MYO7A: variants seen among roughly 807,000 people sequenced by gnomAD.
The protein encoded by MYO7A is myosin VIIA.
Under a neutral mutation model 263.8 loss-of-function variants are expected in MYO7A, and 210 were observed. The ratio of observed to expected loss-of-function variants is 0.80; its 90% CI spans 0.71 to 0.89. The LOEUF (loss-of-function observed/expected upper bound fraction) is 0.89, where lower values mean the gene tolerates loss of function less well. MYO7A is among the 40% of genes least tolerant of loss of function. MYO7A has a pLI of 0.00. For synonymous variants in MYO7A, 1,239 were observed against 1,197.3 expected (o/e 1.03, Z -0.72); for missense variants, 2,820 against 2,968.3 (o/e 0.95, Z 1.16).
intron 2 of MYO7A, among the ~76,000 whole-genome samples, chr11:77,139,643 C>T (rs142122080): frequency 2.0e-5 from 3 of 152,256 alleles, no homozygotes; most frequent in Non-Finnish European, 4.4e-5. Context: ...TCACCTCCCT[C>T]CTGCCTCTCA....
At chr11:77,196,260 G>A (rs7942355) in intron 32 of MYO7A, among the ~76,000 whole-genome samples, 88,222 of 151,818 alleles carry the variant, frequency 0.58, 26,117 homozygotes, top group African/African-American at 0.68. Flanking sequence ...CTAGCTACTC[G>A]GAGACTGAGG....
At chr11:77,174,396 G>A (rs993936886) in intron 16 of MYO7A, among the ~76,000 whole-genome samples, 4 of 152,124 alleles carry the variant, frequency 2.6e-5, no homozygotes, top group South Asian at 2.1e-4. Flanking sequence ...AAAGTCCTGC[G>A]CTTTCAGGCT....
Position 77,203,061 on chromosome 11 carries a change from C to T in MYO7A, c.5170C>T (p.Pro1724Ser), listed in dbSNP as rs762086113. 1.3e-6 allele frequency: 2 copies of T among 1,547,480 alleles called. No individual in the cohort carries two copies. Among genetic ancestry groups the T allele is most frequent in the South Asian group, 2.4e-5 (2 of 83,942 alleles). The change falls in exon 38 of 49, where the codon CCC becomes TCC. Residue 1724 changes from proline (P) to serine (S), a missense_variant and splice_region_variant. Coordinates refer to ENST00000409709, the MANE Select transcript of MYO7A (RefSeq NM_000260.4). ...LEEFSYDYFR[P>S]PPKHTLSRVM... ...CTGACGGTCCCTGTGCTGCGGCAGG[C>T]CCCCACCCAAGCACACGCTGAGCCG... is the stretch of plus-strand genomic sequence containing the variant.
Position 77,211,194 on chromosome 11 carries a change from G to A in MYO7A, c.6094G>A (p.Glu2032Lys), listed in dbSNP as rs1957841569. 4 of 1,593,432 alleles carry A rather than the reference G, an allele frequency of 2.5e-6. No homozygotes were observed. Among genetic ancestry groups the A allele is most frequent in the Non-Finnish European group, 3.4e-6 (4 of 1,170,426 alleles). The change falls in exon 45 of 49, where the codon GAG becomes AAG. Residue 2032 changes from glutamate to lysine, a missense_variant. Glu to Lys is a moderately conservative substitution (Grantham distance 56). Coordinates refer to ENST00000409709, the MANE Select transcript of MYO7A (RefSeq NM_000260.4). ...YLRGYHKCTREEVLQLGALIY... is the reference protein window; with the variant it reads ...YLRGYHKCTRKEVLQLGALIY... ...CCGAGGCTACCACAAGTGCACGCGG[G>A]AGGAGGTGCTGCAGCTGGGGGCGCT...
At position 77,147,880 on chromosome 11, in the gene MYO7A, G is replaced by A. The variant is rs886048670; in HGVS notation, c.215G>A (p.Arg72His). 6.2e-7 allele frequency: 1 copy of A among 1,600,276 alleles called. No individual in the cohort carries two copies. The highest frequency in any genetic ancestry group is 1.7e-5 in the Admixed American group (1 of 58,348). ...TSVHGVEDMI[R>H]LGDLNEAGIL... Reference sequence around the variant, plus strand: ...GTCCACGGCGTGGAGGACATGATCCGCCTGGGGGACCTCAACGAGGCGGGC... The same window carrying A: ...GTCCACGGCGTGGAGGACATGATCCACCTGGGGGACCTCAACGAGGCGGGC... Residue 72 changes from arginine to histidine, a missense_variant, in exon 4 of 49, where the codon CGC becomes CAC. Transcript: ENST00000409709.
At chr11:77,155,477 C>T (rs781963992) in intron 4 of MYO7A, among the ~76,000 whole-genome samples, 2 of 152,230 alleles carry the variant, frequency 1.3e-5, no homozygotes, top group African/African-American at 4.8e-5. Context: ...TGGCCTCCCT[C>T]TGGACATGGT....
intron 19 of MYO7A, among the ~76,000 whole-genome samples, chr11:77,178,552 C>T (rs561334496): frequency 9.8e-5 from 15 of 152,304 alleles, no homozygotes; most frequent in African/African-American, 2.9e-4. Flanking sequence ...TCAGCAGACC[C>T]CTGCTGTCTG....
intron 19 of MYO7A, among the ~76,000 whole-genome samples, chr11:77,178,826 A>G (rs1364188348): frequency 3.9e-5 from 6 of 152,236 alleles, no homozygotes; most frequent in Non-Finnish European, 2.9e-5. Context: ...GTCTACCTTC[A>G]TGGGCTTATG....
At chr11:77,151,147 G>A (rs1447856581) in intron 4 of MYO7A, among the ~76,000 whole-genome samples, 5 of 152,212 alleles carry the variant, frequency 3.3e-5, no homozygotes, top group Admixed American at 6.5e-5. Context: ...ATGAGGAAAG[G>A]CCCTCAGAGA....
At chr11:77,137,930 C>G (rs1183153100) in intron 2 of MYO7A, among the ~76,000 whole-genome samples, 1 of 152,198 alleles carries the variant, frequency 6.6e-6, no homozygotes, top group African/African-American at 2.4e-5. Context: ...CTTAAAAACC[C>G]CGGGAGTTTA....
At chr11:77,180,510 G>A (rs782118494) in intron 22 of MYO7A, 29 bp downstream of exon 22, 4 of 1,588,740 alleles carry the variant, frequency 2.5e-6, no homozygotes, top group African/African-American at 1.3e-5. Context: ...GGCACCTTAG[G>A]TGTCCACTTG....
rs1407731019 is a variant in MYO7A at position 77,179,208 on chromosome 11, G to T, written c.2367+79G>T. ...GCTGCCATGGCAGTGGGACTGGCCT[G>T]CACCCAGGCAGCACAGCCTGGCCTC... On this transcript the variant is annotated intron_variant, in intron 20 of 48. Coordinates refer to ENST00000409709, the MANE Select transcript of MYO7A (RefSeq NM_000260.4). 3 of 1,296,138 alleles carry T rather than the reference G, an allele frequency of 2.3e-6. No individual in the cohort carries two copies. In the East Asian group the frequency reaches 7.6e-5, roughly 33 times the overall value. 80.3% of individuals were successfully genotyped at this position (1,296,138 alleles called of 1,614,324 possible). A position where few individuals can be genotyped will look rare whatever the true frequency, so the allele number is the denominator to read the frequency against.
At chr11:77,141,076 T>C (rs554221449) in intron 2 of MYO7A, among the ~76,000 whole-genome samples, 1 of 152,350 alleles carries the variant, frequency 6.6e-6, no homozygotes, top group East Asian at 1.9e-4. Flanking sequence ...AGTAGCAGGT[T>C]GTACAGGTTT....
At chr11:77,129,975 G>A (rs1331110152) in intron 1 of MYO7A, among the ~76,000 whole-genome samples, 3 of 150,858 alleles carry the variant, frequency 2.0e-5, no homozygotes, top group Non-Finnish European at 2.9e-5. Context: ...GGGCGGGCCC[G>A]GGCCCGGGCC....
chr11:77,171,848 C>T (rs1555076190), intron 15 of MYO7A, among the ~76,000 whole-genome samples: 1 of 152,234 alleles, frequency 6.6e-6, no homozygotes, highest in Admixed American at 6.5e-5. Context: ...CGGCTCAGGG[C>T]TTCCCCCACC....
At chr11:77,159,163 G>A (rs2135265856) in intron 9 of MYO7A, among the ~76,000 whole-genome samples, 1 of 152,316 alleles carries the variant, frequency 6.6e-6, no homozygotes, top group South Asian at 2.1e-4. Flanking sequence ...CCCTGGGAGT[G>A]GGGAGAGAGC....
intron 2 of MYO7A, among the ~76,000 whole-genome samples, chr11:77,137,732 C>A (rs1950961592): frequency 6.6e-6 from 1 of 152,116 alleles, no homozygotes; most frequent in Admixed American, 6.5e-5. Flanking sequence ...GGACCCCACA[C>A]CAGGCCTCCA....
Position 77,158,412 on chromosome 11 carries a change from G to A in MYO7A, c.985G>A (p.Gly329Ser), listed in dbSNP as rs1555065952. The A allele has an allele frequency of 6.2e-7, 1 of 1,612,228 alleles. No homozygotes were observed. Among genetic ancestry groups the A allele is most frequent in the Non-Finnish European group, 8.5e-7 (1 of 1,179,678 alleles). ...GCTCCTGGCTGCCATCCTGCACCTG[G>A]GCAACCTGCAGTATGAGGGTGAGGC... ...SKLLAAILHLGNLQYEARTFE... is the reference protein window; with the variant it reads ...SKLLAAILHLSNLQYEARTFE... The change falls in exon 9 of 49, where the codon GGC becomes AGC. Residue 329 changes from glycine (G) to serine (S), a missense_variant. By Grantham distance (56) the Gly-to-Ser change is moderately conservative. Transcript: ENST00000409709.
intron 29 of MYO7A, 46 bp from the exon 30 acceptor site, chr11:77,190,651 G>A (rs1437683694): frequency 6.5e-7 from 1 of 1,545,272 alleles, no homozygotes. Flanking sequence ...GGGGCAGGCA[G>A]GTCTGAAGGG....
Sources: allele counts gnomAD v4.1 joint callset (sites outside exome capture counted in the v4.1 genomes callset), GRCh38; gene constraint gnomAD v4.1.1; transcripts MANE v1.5; gene names NCBI Gene and HGNC (gene_info 2026-07-23, HGNC 2026-07-21).